Variants in GLP1R observed in about 807,000 individuals in gnomAD.
GLP1R encodes the protein glucagon-like peptide 1 receptor.
GLP1R carries 32 observed loss-of-function variants against 68.4 expected under a neutral mutation model. That is an observed-to-expected ratio of 0.47 (90% confidence interval 0.35 to 0.63). The LOEUF (loss-of-function observed/expected upper bound fraction) is 0.63, where lower values mean the gene tolerates loss of function less well. Among genes scored for constraint, GLP1R ranks in the 20% least tolerant of loss-of-function variants. The probability of loss-of-function intolerance (pLI) is 0.00; values close to 1 mark genes in which losing one functional copy is unlikely to be tolerated. For missense variants in GLP1R, 502 were observed against 594.9 expected (o/e 0.84, Z 1.62); for synonymous variants, 263 against 244.4 (o/e 1.08, Z -0.71).
In GLP1R at chr6:39,086,048, C is replaced by T. The variant is rs1769137045; in HGVS notation, c.1367C>T (p.Ala456Val). 6.2e-7 allele frequency: 1 copy of T among 1,613,936 alleles called. No individual in the cohort carries two copies. Among genetic ancestry groups the T allele is most frequent in the Non-Finnish European group, 8.5e-7 (1 of 1,179,938 alleles). The change falls in exon 13 of 13, where the codon GCC (alanine) becomes GTC (valine). Residue 456 changes from alanine (A) to valine (V), a missense_variant. Physicochemically the swap from Ala to Val is moderately conservative, Grantham distance 64. Coordinates refer to ENST00000373256, the MANE Select transcript of GLP1R (RefSeq NM_002062.5). This position sits in a 1 kb window ranked among gnomAD's most constrained non-coding sequence, Gnocchi z 4.5. ...ACGGCGGGCAGCAGCATGTACACAG[C>T]CACTTGCCAGGCCTCCTGCAGCTGA... ...GATAGSSMYT[A>V]TCQASCS
In GLP1R at chr6:39,078,309, C is replaced by T. The variant is rs1179744524; in HGVS notation, c.824-13C>T. The T allele has an allele frequency of 6.2e-6, 10 of 1,605,192 alleles. No individual in the cohort carries two copies. The highest frequency in any genetic ancestry group is 1.3e-5 in the African/African-American group (1 of 74,770). On this transcript the variant is annotated splice_polypyrimidine_tract_variant and intron_variant, in intron 7 of 12. Transcript: ENST00000373256. ...CCAGCCCCTCTCCCCTTCTGTCTTT[C>T]CCTCTCTCTTAGGTGTTCCCCTGCT...
chr6:39,056,279 G>T (rs1051433933), intron 1 of GLP1R, 118 bp from the exon 2 acceptor site: 5 of 587,030 alleles, frequency 8.5e-6, no homozygotes, highest in East Asian at 2.9e-5. Context: ...CTGATGCCTG[G>T]CAGAATTTGG....
intron 1 of GLP1R, among the ~76,000 whole-genome samples, chr6:39,052,621 G>A (rs1391474934): frequency 6.6e-6 from 1 of 151,992 alleles, no homozygotes; most frequent in Non-Finnish European, 1.5e-5. Flanking sequence ...CCCCTTCCTG[G>A]GGTGTTGGAA....
At chr6:39,060,940 G>A (rs1453293235) in intron 3 of GLP1R, among the ~76,000 whole-genome samples, 3 of 152,208 alleles carry the variant, frequency 2.0e-5, no homozygotes, top group Non-Finnish European at 4.4e-5. Flanking sequence ...TACTGAGGGA[G>A]GCCAGAGCCA....
chr6:39,077,896 G>A (rs1215491595), intron 7 of GLP1R, among the ~76,000 whole-genome samples: 2 of 152,240 alleles, frequency 1.3e-5, no homozygotes, highest in Non-Finnish European at 2.9e-5. Context: ...GCCTTTAGGA[G>A]TTGACTGGCA....
chr6:39,085,805 G>A (rs1428893979), intron 12 of GLP1R, 101 bp from the exon 13 acceptor site: 91 of 1,045,636 alleles, frequency 8.7e-5, no homozygotes, highest in Non-Finnish European at 9.3e-5. Flanking sequence ...TTAATATAAT[G>A]CAGTGGATTT....
At position 39,073,750 on chromosome 6, in the gene GLP1R, C is replaced by T. The variant is rs752246672; in HGVS notation, c.804C>T (p.Leu268=). 3 of 1,613,914 alleles carry T rather than the reference C, an allele frequency of 1.9e-6. No homozygotes were observed. In the East Asian group the frequency reaches 6.7e-5, roughly 36 times the overall value. Residue 268 remains leucine (L), a synonymous_variant, in exon 7 of 13, where the codon CTC becomes CTT. Coordinates refer to ENST00000373256, the MANE Select transcript of GLP1R (RefSeq NM_002062.5). ...TATCTGAGCAATGGATCTTCAGGCT[C>T]TACGTGAGCATAGGCTGGGGTAAGA... The part of the protein sequence containing the change: ...SVLSEQWIFR[L]YVSIGWGVPL...
chr6:39,085,882 G>A (rs371801226), intron 12 of GLP1R, 24 bp from the exon 13 acceptor site: 18 of 1,612,854 alleles, frequency 1.1e-5, no homozygotes, highest in East Asian at 6.7e-5. Context: ...GATGGCTTTC[G>A]TTTCCCTCCT....
At chr6:39,076,517 G>T (rs554173644) in intron 7 of GLP1R, among the ~76,000 whole-genome samples, 3 of 152,286 alleles carry the variant, frequency 2.0e-5, no homozygotes, top group South Asian at 4.2e-4. Flanking sequence ...AGGCACAGTA[G>T]ATCTGGGCAC....
At position 39,079,477 on chromosome 6, in the gene GLP1R, TG is replaced by T; in HGVS notation, c.1044-85del. ...CATCCATGACCCAGATATCAGGACT[TG>T]GTAGGAAGTGGGGAGGGTAGAGAAA... On this transcript the variant is annotated intron_variant, in intron 10 of 12. Coordinates refer to ENST00000373256, the MANE Select transcript of GLP1R (RefSeq NM_002062.5). The surrounding 1 kb of genome is among the most constrained non-coding windows in gnomAD (Gnocchi z 4.5). 7.7e-7 allele frequency: 1 copy of T among 1,301,136 alleles called. No homozygotes were observed. Among genetic ancestry groups the T allele is most frequent in the East Asian group, 2.3e-5 (1 of 42,952 alleles). The allele number at this position is 1,301,136 out of a possible 1,614,324, so 80.6% of individuals were successfully genotyped here.
rs866605102 is a variant in GLP1R at position 39,090,010 on chromosome 6, G to A, written c.*3937G>A. On this transcript the variant is annotated 3_prime_UTR_variant, in exon 13 of 13. Transcript: ENST00000373256. ...AAACATTCAGCAGAAACCAAATTAG[G>A]ATCAACTCTTAACATTTTTTCCCTC... Among the ~76,000 whole-genome samples, 1 of 152,070 alleles carries A rather than the reference G, an allele frequency of 6.6e-6. No homozygotes were observed. Among genetic ancestry groups the A allele is most frequent in the Admixed American group, 6.5e-5 (1 of 15,270 alleles).
intron 1 of GLP1R, among the ~76,000 whole-genome samples, chr6:39,051,119 A>G (rs962718015): frequency 6.6e-6 from 1 of 152,156 alleles, no homozygotes; most frequent in African/African-American, 2.4e-5. Context: ...CCTACTGAGG[A>G]GACAGGCAAG....
At chr6:39,057,844 G>T (rs1252448175) in intron 3 of GLP1R, among the ~76,000 whole-genome samples, 1 of 151,496 alleles carries the variant, frequency 6.6e-6, no homozygotes, top group Non-Finnish European at 1.5e-5. Flanking sequence ...GTCAGCAGTG[G>T]TGAGCCCCCT....
intron 8 of GLP1R, 91 bp from the exon 9 acceptor site, chr6:39,078,866 C>T: frequency 9.4e-7 from 1 of 1,061,550 alleles, no homozygotes; most frequent in Middle Eastern, 2.7e-4. Context: ...CTCAACATGG[C>T]CATGTGCATT....
At chr6:39,066,952 G>A (rs931246800) in intron 5 of GLP1R, among the ~76,000 whole-genome samples, 3 of 152,074 alleles carry the variant, frequency 2.0e-5, no homozygotes, top group African/African-American at 7.2e-5. Context: ...CACAGTCCTG[G>A]GCACACGGTG....
intron 3 of GLP1R, among the ~76,000 whole-genome samples, chr6:39,063,710 G>C (rs776474370): frequency 4.6e-5 from 7 of 152,102 alleles, no homozygotes; most frequent in Non-Finnish European, 7.4e-5. Context: ...ATCAGGGTTA[G>C]GGGAGGGCAA....
chr6:39,076,269 C>T (rs1477067646), intron 7 of GLP1R, among the ~76,000 whole-genome samples: 2 of 152,152 alleles, frequency 1.3e-5, no homozygotes, highest in Non-Finnish European at 2.9e-5. Context: ...TTGACTCACC[C>T]ATCATTCGTT....
chr6:39,053,894 C>A (rs1229257791), intron 1 of GLP1R, among the ~76,000 whole-genome samples: 1 of 152,126 alleles, frequency 6.6e-6, no homozygotes, highest in African/African-American at 2.4e-5. Context: ...ACCACTCTCT[C>A]CCTGCCCCAA....
chr6:39,080,382 GTT>G (rs1768968857), intron 11 of GLP1R, among the ~76,000 whole-genome samples: 1 of 152,224 alleles, frequency 6.6e-6, no homozygotes, highest in South Asian at 2.1e-4. Context: ...TCAAGGAGAG[GTT>G]GGATGTAGGA....
Sources: gnomAD v4.1 joint callset for allele counts (sites outside exome capture counted in the v4.1 genomes callset) on GRCh38, gnomAD v4.1.1 for gene constraint, Gnocchi (gnomAD v3.1) non-coding constraint, MANE v1.5 for transcripts, NCBI Gene and HGNC (gene_info 2026-07-23, HGNC 2026-07-21) for gene names.